Variants in AK4 observed in about 807,000 individuals in gnomAD.
The protein encoded by AK4 is adenylate kinase 4, mitochondrial.
In AK4, 13 loss-of-function variants were observed where a neutral mutation model predicts 24.6. The observed-to-expected ratio is 0.53, with a 90% CI of 0.34 to 0.84. The LOEUF is 0.84. AK4 is among the 40% of genes least tolerant of loss of function. The probability of loss-of-function intolerance (pLI) is 0.01; values close to 1 mark genes in which losing one functional copy is unlikely to be tolerated. For missense variants in AK4, 192 were observed against 288.2 expected (o/e 0.67, Z 2.42); for synonymous variants, 88 against 107.0 (o/e 0.82, Z 1.10).
chr1:65,192,510 C>T (rs774597686), intron 2 of AK4, among the ~76,000 whole-genome samples: 1 of 152,144 alleles, frequency 6.6e-6, no homozygotes, highest in African/African-American at 2.4e-5. Flanking sequence ...GCATTCTGCC[C>T]CTACCCACCT....
intron 2 of AK4, 99 bp from the exon 3 acceptor site, chr1:65,218,655 T>C (rs1448987623): frequency 1.8e-5 from 21 of 1,164,742 alleles, no homozygotes; most frequent in Non-Finnish European, 2.4e-5. Flanking sequence ...CCTTTTAGAA[T>C]GGTATATGCA....
chr1:65,201,172 CTT>C (rs970150965), intron 2 of AK4, among the ~76,000 whole-genome samples: 2 of 152,188 alleles, frequency 1.3e-5, no homozygotes, highest in South Asian at 4.1e-4. Context: ...TGATAACTCA[CTT>C]TTTCTCTTAG....
chr1:65,198,038 A>C (rs1651537062), intron 2 of AK4, among the ~76,000 whole-genome samples: 2 of 152,230 alleles, frequency 1.3e-5, no homozygotes, highest in African/African-American at 4.8e-5. Context: ...AATTAAAAAA[A>C]CAGCTTTTTC....
rs1652609111 is a variant in AK4, at chr1:65,230,502, C to A, written c.*4325C>A. 1 of 152,260 alleles carries A rather than the reference C, an allele frequency of 6.6e-6. No homozygotes were observed. The highest frequency in any genetic ancestry group is 3.4e-3 in the Middle Eastern group (1 of 294). 9.4% of individuals were successfully genotyped at this position (152,260 alleles called of 1,614,324 possible). ...TTCAGGTATAGGCACTAGGTACTGT[C>A]TGTTTACTTCATGTTAGGCACATTA... On this transcript the variant is annotated 3_prime_UTR_variant, in exon 5 of 5. Transcript: ENST00000327299.
At chr1:65,160,457 A>T (rs922510484) in intron 1 of AK4, among the ~76,000 whole-genome samples, 1 of 152,224 alleles carries the variant, frequency 6.6e-6, no homozygotes, top group Non-Finnish European at 1.5e-5. Flanking sequence ...AAAATTTTCC[A>T]CTAGAGACAG....
At chr1:65,207,101 A>C (rs1398223915) in intron 2 of AK4, among the ~76,000 whole-genome samples, 1 of 152,152 alleles carries the variant, frequency 6.6e-6, no homozygotes, top group African/African-American at 2.4e-5. Context: ...GTGGTTTAAA[A>C]CCAAATTTTC....
At chr1:65,168,032 T>C (rs1650390267) in intron 1 of AK4, among the ~76,000 whole-genome samples, 1 of 152,156 alleles carries the variant, frequency 6.6e-6, no homozygotes, top group African/African-American at 2.4e-5. Flanking sequence ...CCATATCATT[T>C]CTAATTCTTT....
At position 65,218,816 on chromosome 1, in the gene AK4, A is replaced by C; in HGVS notation, c.328A>C (p.Ile110Leu). Residue 110 changes from isoleucine to leucine, a missense_variant, in exon 3 of 5, where the codon ATC becomes CTC. Coordinates refer to ENST00000327299, the MANE Select transcript of AK4 (RefSeq NM_013410.4). ...LDKICEVDLV[I>L]SLNIPFETLK... The stretch of plus-strand genomic sequence containing the variant: ...CAAAATCTGTGAAGTGGATCTAGTG[A>C]TCAGTTTGAATATTCCATTTGAAAC... 1 of 1,603,054 alleles carries C rather than the reference A, an allele frequency of 6.2e-7. No individual in the cohort carries two copies. Among genetic ancestry groups the C allele is most frequent in the Non-Finnish European group, 8.5e-7 (1 of 1,175,448 alleles).
chr1:65,170,010 A>G (rs1029324124), intron 1 of AK4, among the ~76,000 whole-genome samples: 4 of 152,066 alleles, frequency 2.6e-5, no homozygotes, highest in African/African-American at 9.7e-5. Context: ...TTAGTGCCTC[A>G]TGGAAAGTCC....
chr1:65,215,179 T>TTTTC (rs1652093357), intron 2 of AK4, among the ~76,000 whole-genome samples: 1 of 150,330 alleles, frequency 6.7e-6, no homozygotes, highest in African/African-American at 2.5e-5. Context: ...TTTCTTTCTT[T>TTTTC]TTTTTTTGTT....
chr1:65,215,748 C>T (rs895668914), intron 2 of AK4, among the ~76,000 whole-genome samples: 2 of 152,200 alleles, frequency 1.3e-5, no homozygotes, highest in African/African-American at 2.4e-5. Context: ...TTTTACTCCT[C>T]CAGAGGGCTC....
intron 3 of AK4, 67 bp from the exon 4 acceptor site, chr1:65,224,685 A>G (rs998716100): frequency 7.6e-7 from 1 of 1,308,674 alleles, no homozygotes; most frequent in Non-Finnish European, 1.1e-6. Context: ...TTTTGCACAG[A>G]AAAGTTTTTA....
chr1:65,218,220 A>G (rs1652189451), intron 2 of AK4, among the ~76,000 whole-genome samples: 1 of 152,196 alleles, frequency 6.6e-6, no homozygotes, highest in African/African-American at 2.4e-5. Flanking sequence ...TTGCTAACCT[A>G]AGAACCTACT....
At chr1:65,157,443 T>G (rs1230167154) in intron 1 of AK4, among the ~76,000 whole-genome samples, 1 of 152,106 alleles carries the variant, frequency 6.6e-6, no homozygotes, top group South Asian at 2.1e-4. Context: ...GAGCTGCTGT[T>G]TTTTGGTGGA....
intron 2 of AK4, among the ~76,000 whole-genome samples, chr1:65,212,160 A>G (rs576580320): frequency 1.3e-5 from 2 of 152,288 alleles, no homozygotes; most frequent in South Asian, 2.1e-4. Flanking sequence ...AGCCTGTACA[A>G]TTTTGGCTTT....
chr1:65,181,070 A>G (rs1310144320), intron 1 of AK4, among the ~76,000 whole-genome samples: 1 of 150,744 alleles, frequency 6.6e-6, no homozygotes. Context: ...TGTTTTGTGA[A>G]CATTCGTTCA....
In AK4 at chr1:65,190,699, C is replaced by G. The variant is rs1218843525; in HGVS notation, c.146-11C>G. ...TCTTGAATACCTCTTTTTTTCTTGT[C>G]TTTTTAATAGAAGTTGGTGAGATGG... On this transcript the variant is annotated splice_polypyrimidine_tract_variant and intron_variant, in intron 1 of 4. Transcript: ENST00000327299. 1.3e-6 allele frequency: 2 copies of G among 1,595,602 alleles called. No individual in the cohort carries two copies. Among genetic ancestry groups the G allele is most frequent in the Non-Finnish European group, 1.7e-6 (2 of 1,174,336 alleles).
chr1:65,204,049 C>T (rs926180628), intron 2 of AK4, among the ~76,000 whole-genome samples: 1 of 152,006 alleles, frequency 6.6e-6, no homozygotes, highest in African/African-American at 2.4e-5. Context: ...CAACGGAAAG[C>T]AACAAATCAC....
At chr1:65,175,159 T>C (rs1332887790) in intron 1 of AK4, among the ~76,000 whole-genome samples, 1 of 152,254 alleles carries the variant, frequency 6.6e-6, no homozygotes, top group Non-Finnish European at 1.5e-5. Context: ...ATCGTTGTTC[T>C]TGCTGGCTGT....
Sources: gnomAD v4.1 joint callset for allele counts (sites outside exome capture counted in the v4.1 genomes callset) on GRCh38, gnomAD v4.1.1 for gene constraint, MANE v1.5 for transcripts, NCBI Gene and HGNC (gene_info 2026-07-23, HGNC 2026-07-21) for gene names.